ZNF335: variants seen among roughly 807,000 people sequenced by gnomAD.
ZNF335 encodes NRC-interacting factor 1.
Under a neutral mutation model 145.6 loss-of-function variants are expected in ZNF335, and 84 were observed. The ratio of observed to expected loss-of-function variants is 0.58; its 90% CI spans 0.48 to 0.69. The LOEUF is 0.69. Among genes scored for constraint, ZNF335 ranks in the 30% least tolerant of loss-of-function variants. The pLI, the probability that ZNF335 is intolerant of heterozygous loss-of-function variation, is 0.00. For synonymous variants in ZNF335, 761 were observed against 717.0 expected (o/e 1.06, Z -0.98); for missense variants, 1,865 against 1,809.7 (o/e 1.03, Z -0.55).
chr20:45,948,706 G>C lies in ZNF335; in HGVS notation c.*247C>G, dbSNP rs1041627068. 14 of 524,626 alleles carry C rather than the reference G, an allele frequency of 2.7e-5. No homozygotes were observed. Among genetic ancestry groups the C allele is most frequent in the Non-Finnish European group, 4.1e-5 (12 of 290,480 alleles). The allele number at this position is 524,626 out of a possible 1,614,324, so 32.5% of individuals were successfully genotyped here. ...CTTTATTGAGACTGACAGGCCAGTG[G>C]GTCCACCCAAACAAAAATAAATTTC... is the stretch of plus-strand genomic sequence containing the variant. On this transcript the variant is annotated 3_prime_UTR_variant, in exon 28 of 28. Coordinates refer to ENST00000322927, the MANE Select transcript of ZNF335 (RefSeq NM_022095.4).
At chr20:45,955,350 C>CACAAAAAAAAAAAA (rs2083709390) in intron 17 of ZNF335, among the ~76,000 whole-genome samples, 1 of 37,322 alleles carries the variant, frequency 2.7e-5, no homozygotes, top group Admixed American at 4.1e-4. Context: ...GACTCTGTCT[C>CACAAAAAAAAAAAA]AAAAAAAAAA....
chr20:45,957,100 G>A (rs940520225), intron 17 of ZNF335, among the ~76,000 whole-genome samples: 1 of 152,208 alleles, frequency 6.6e-6, no homozygotes, highest in Non-Finnish European at 1.5e-5. Flanking sequence ...GCAGGGAGGG[G>A]CAAAGGTGTT....
chr20:45,964,057 C>T, intron 7 of ZNF335, 67 bp from the exon 8 acceptor site: 1 of 1,495,824 alleles, frequency 6.7e-7, no homozygotes, highest in East Asian at 2.3e-5. Context: ...ACAAGTGGGC[C>T]AGAGGCCAGC....
Position 45,948,979 on chromosome 20 carries a change from C to T in ZNF335, c.4003G>A (p.Asp1335Asn), listed in dbSNP as rs748843555. The change falls in exon 28 of 28, where the codon GAC becomes AAC. Residue 1335 changes from aspartate to asparagine, a missense_variant. Transcript: ENST00000322927. Reference protein sequence around the residue: ...QQLQHQGIEYDVITLADD With the variant: ...QQLQHQGIEYNVITLADD The stretch of plus-strand genomic sequence containing the variant: ...CAGTCATCGGCCAGGGTGATGACGT[C>T]GTACTCGATGCCCTGGTGCTGCAGC... 2.2e-5 allele frequency: 35 copies of T among 1,613,794 alleles called. No homozygotes were observed. The highest frequency in any genetic ancestry group is 6.7e-5 in the African/African-American group (5 of 74,928).
chr20:45,965,749 C>T lies in ZNF335; in HGVS notation c.981G>A (p.Glu327=). 1.0e-5 allele frequency: 16 copies of T among 1,605,702 alleles called. No individual in the cohort carries two copies. Among genetic ancestry groups the T allele is most frequent in the Non-Finnish European group, 1.4e-5 (16 of 1,176,182 alleles). The change falls in exon 7 of 28, where the codon GAG becomes GAA. Residue 327 remains glutamate, a synonymous_variant. Transcript: ENST00000322927. The stretch of plus-strand genomic sequence containing the variant: ...GAAGCTGCCGGCCTCGGGGCTCATC[C>T]TCAGCTGGATTATAGTCGCTATCCT... ...LEEDSDYNPA[E]DEPRGRQLRL... is the part of the protein sequence containing the mutation.
chr20:45,964,707 T>A (rs1447131629), intron 7 of ZNF335, among the ~76,000 whole-genome samples: 1 of 152,166 alleles, frequency 6.6e-6, no homozygotes, highest in Non-Finnish European at 1.5e-5. Context: ...CATACATATG[T>A]GCCTCGGTAA....
chr20:45,960,716 G>T lies in ZNF335; in HGVS notation c.1682C>A (p.Ser561Tyr). The change falls in exon 12 of 28, where the codon TCT becomes TAT. Residue 561 changes from serine to tyrosine, a missense_variant. Ser to Tyr is a moderately radical substitution (Grantham distance 144, BLOSUM62 -2). Coordinates refer to ENST00000322927, the MANE Select transcript of ZNF335 (RefSeq NM_022095.4). ...ACGGCCACACACAGGGCAGGGGAAA[G>T]AGCTCAGCTTTGGAGTCTAGGAAGG... Reference protein sequence around the residue: ...KRPDPTPKLSSFPCPVCGRVY... With the variant: ...KRPDPTPKLSYFPCPVCGRVY... 2 of 1,614,134 alleles carry T rather than the reference G, an allele frequency of 1.2e-6. No individual in the cohort carries two copies. Among genetic ancestry groups the T allele is most frequent in the Non-Finnish European group, 1.7e-6 (2 of 1,179,990 alleles).
rs2083605674 is a variant in ZNF335, at chr20:45,950,255, G to C, written c.3451C>G (p.Leu1151Val). 6.4e-7 allele frequency: 1 copy of C among 1,551,248 alleles called. No individual in the cohort carries two copies. Residue 1151 changes from leucine to valine, a missense_variant, in exon 22 of 28, where the codon CTG becomes GTG. Physicochemically the swap from Leu to Val is conservative, Grantham distance 32 (BLOSUM62 1). Transcript: ENST00000322927. ...PTQTPTQTII[L>V]NSDDETLATL... is the part of the protein sequence containing the mutation. ...GCCAGTGTTTCGTCATCACTGTTCA[G>C]GATGATGGTCTGGGTTGGGGTCTGG...
chr20:45,964,976 A>G (rs1309030944), intron 7 of ZNF335, among the ~76,000 whole-genome samples: 2 of 151,678 alleles, frequency 1.3e-5, no homozygotes, highest in Non-Finnish European at 2.9e-5. Flanking sequence ...GGTTGCAGTG[A>G]GCCGAGATCA....
At chr20:45,959,464 C>T in intron 14 of ZNF335, 31 bp from the exon 15 acceptor site, 2 of 1,392,138 alleles carry the variant, frequency 1.4e-6, no homozygotes, top group Non-Finnish European at 1.9e-6. Context: ...ATGCTTAAGT[C>T]TGCCCGTCCC....
chr20:45,963,491 G>A lies in ZNF335; in HGVS notation c.1515C>T (p.Arg505=). The change falls in exon 9 of 28, where the codon CGC becomes CGT. Residue 505 remains arginine (R), a synonymous_variant. Transcript: ENST00000322927. ...CCCGCACCTTGAGCGAGGACCAGCG[G>A]CGGGAACGATAGCTGCACTGCAGGC... ...FKCLQCSYRS[R]RWSSLKEHMF... is the part of the protein sequence containing the mutation. 1 of 1,612,274 alleles carries A rather than the reference G, an allele frequency of 6.2e-7. No individual in the cohort carries two copies. Among genetic ancestry groups the A allele is most frequent in the South Asian group, 1.1e-5 (1 of 91,076 alleles).
At chr20:45,953,649 AC>A in intron 18 of ZNF335, 39 bp downstream of exon 18, 1 of 1,605,974 alleles carries the variant, frequency 6.2e-7, no homozygotes, top group Non-Finnish European at 8.5e-7. Context: ...GACCACACCT[AC>A]AAAAAGCTGA....
At position 45,950,265 on chromosome 20, in the gene ZNF335, C is replaced by T. The variant is rs2083605990; in HGVS notation, c.3441G>A (p.Gln1147=). The T allele has an allele frequency of 1.3e-6, 2 of 1,551,572 alleles. No homozygotes were observed. The highest frequency in any genetic ancestry group is 2.7e-5 in the African/African-American group (2 of 72,968). ...CGTCATCACTGTTCAGGATGATGGT[C>T]TGGGTTGGGGTCTGGGTAGGGGCCC... The part of the protein sequence containing the change: ...TARAPTQTPT[Q]TIILNSDDET... The change falls in exon 22 of 28, where the codon CAG becomes CAA. Residue 1147 remains glutamine (Q), a synonymous_variant. Coordinates refer to ENST00000322927, the MANE Select transcript of ZNF335 (RefSeq NM_022095.4).
chr20:45,961,937 G>C, intron 10 of ZNF335, 133 bp downstream of exon 10: 1 of 723,056 alleles, frequency 1.4e-6, no homozygotes, highest in Non-Finnish European at 2.3e-6. Flanking sequence ...TTCTGCTCAT[G>C]CCTGTAGTGT....
In ZNF335 at chr20:45,967,854, T is replaced by C; in HGVS notation, c.694A>G (p.Ser232Gly). ...ASGAEEPDLQ[S>G]LEAMMEVVVV... is the part of the protein sequence containing the mutation. ...ACCACCTCCATCATGGCCTCCAGGCTCTGCAGGTCCGGCTCTTCGGCACCG... is the reference window on the plus strand; with the variant it reads ...ACCACCTCCATCATGGCCTCCAGGCCCTGCAGGTCCGGCTCTTCGGCACCG... Residue 232 changes from serine (S) to glycine (G), a missense_variant, in exon 5 of 28, where the codon AGC becomes GGC. Transcript: ENST00000322927. The C allele has an allele frequency of 6.2e-7, 1 of 1,613,460 alleles. No individual in the cohort carries two copies. Among genetic ancestry groups the C allele is most frequent in the Non-Finnish European group, 8.5e-7 (1 of 1,180,028 alleles).
chr20:45,962,223 T>C, intron 9 of ZNF335, 41 bp from the exon 10 acceptor site: 1 of 1,496,976 alleles, frequency 6.7e-7, no homozygotes, highest in South Asian at 1.1e-5. Flanking sequence ...GGGCTTGGCC[T>C]CCTCTCCCAT....
Position 45,952,156 on chromosome 20 carries a change from G to A in ZNF335, c.3180C>T (p.Pro1060=), listed in dbSNP as rs61729182. The A allele has an allele frequency of 1.2e-3, 1,915 of 1,599,272 alleles. 32 individuals are homozygous for A. The African/African-American group carries it at 0.023, about 19-fold the overall frequency. ...AGCAACCAGCACCTACCCGGACCTCGGGCCACTGGCGGGCACTGAAGGGGC... is the reference window on the plus strand; with the variant it reads ...AGCAACCAGCACCTACCCGGACCTCAGGCCACTGGCGGGCACTGAAGGGGC... The part of the protein sequence containing the change: ...PDCPFSARQW[P]EVRAHMAQHS... The change falls in exon 20 of 28, where the codon CCC becomes CCT. Residue 1060 remains proline (P), a synonymous_variant. Transcript: ENST00000322927.
At chr20:45,971,887 G>C (rs1289763875) in intron 1 of ZNF335, 1 of 985,382 alleles carries the variant, frequency 1.0e-6, no homozygotes, top group African/African-American at 1.7e-5. Flanking sequence ...ACGGTCTCGG[G>C]GCCTGGCGAT....
At chr20:45,955,209 C>T (rs1408918279) in intron 17 of ZNF335, among the ~76,000 whole-genome samples, 9 of 151,550 alleles carry the variant, frequency 5.9e-5, no homozygotes, top group Non-Finnish European at 8.8e-5. Flanking sequence ...ATAAAAGAAG[C>T]CAGTCGTGGT....
Sources: gnomAD v4.1 joint callset for allele counts (sites outside exome capture counted in the v4.1 genomes callset) on GRCh38, gnomAD v4.1.1 for gene constraint, MANE v1.5 for transcripts, NCBI Gene and HGNC (gene_info 2026-07-23, HGNC 2026-07-21) for gene names.